The following COL5A2 variants were observed in gnomAD, a reference collection of about 807,000 sequenced individuals.
COL5A2 encodes the protein collagen type V alpha 2 chain.
A neutral mutation model predicts 208.2 loss-of-function variants in COL5A2; 23 were observed. That is an observed-to-expected ratio of 0.11 (90% CI 0.08 to 0.16). The LOEUF (loss-of-function observed/expected upper bound fraction) is 0.16. COL5A2 is among the 10% of genes least tolerant of loss of function. The pLI, the probability that COL5A2 is intolerant of heterozygous loss-of-function variation, is 1.00. For synonymous variants in COL5A2, 625 were observed against 628.5 expected, an observed-to-expected ratio of 0.99 and a Z score of 0.08; for missense variants, 1,590 against 1,956.4, an observed-to-expected ratio of 0.81 and a Z score of 3.53.
chr2:189,140,525 A>G (rs975408906), intron 1 of COL5A2, among the ~76,000 whole-genome samples: 3 of 152,218 alleles, frequency 2.0e-5, no homozygotes, highest in Non-Finnish European at 2.9e-5. Flanking sequence ...TAATAAAAAT[A>G]CAGAAAAATC....
intron 6 of COL5A2, among the ~76,000 whole-genome samples, chr2:189,096,353 T>C (rs1686909176): frequency 6.6e-6 from 1 of 152,026 alleles, no homozygotes; most frequent in Non-Finnish European, 1.5e-5. Context: ...ATTTAGTATA[T>C]GAAAGACATT....
At chr2:189,412,345 C>T in the COL5A2 span, among the ~76,000 whole-genome samples, 1 of 152,128 alleles carries the variant, frequency 6.6e-6, no homozygotes, top group Non-Finnish European at 1.5e-5. Context: ...GCAAGAAATA[C>T]TTTTGTACAT....
chr2:189,190,904 A>C (rs143525115), intron 1 of COL5A2, among the ~76,000 whole-genome samples: 16 of 152,298 alleles, frequency 1.1e-4, no homozygotes, highest in African/African-American at 3.8e-4. Flanking sequence ...TGGCCCACCA[A>C]AGGCTTACGT....
At chr2:189,325,547 C>T in the COL5A2 span, among the ~76,000 whole-genome samples, 1 of 152,002 alleles carries the variant, frequency 6.6e-6, no homozygotes, top group Admixed American at 6.6e-5. Context: ...GAGACATTCT[C>T]ATGATCTACC....
At chr2:189,339,307 C>T in the COL5A2 span, among the ~76,000 whole-genome samples, 21 of 150,244 alleles carry the variant, frequency 1.4e-4, no homozygotes, top group South Asian at 4.2e-4. Flanking sequence ...GCTGAGACTG[C>T]GCCACTGCAC....
the COL5A2 span, among the ~76,000 whole-genome samples, chr2:189,390,371 C>T: frequency 1.3e-5 from 2 of 152,102 alleles, no homozygotes; most frequent in Non-Finnish European, 2.9e-5. Flanking sequence ...ATAAATCTGT[C>T]AAGATGATTG....
intron 1 of COL5A2, among the ~76,000 whole-genome samples, chr2:189,114,425 A>G (rs1463517679): frequency 6.6e-6 from 1 of 152,224 alleles, no homozygotes; most frequent in Non-Finnish European, 1.5e-5. Flanking sequence ...AGTAAAATAG[A>G]AAGCAAAATT....
At chr2:189,331,550 G>A in the COL5A2 span, among the ~76,000 whole-genome samples, 14 of 152,042 alleles carry the variant, frequency 9.2e-5, no homozygotes, top group Non-Finnish European at 1.5e-4. Flanking sequence ...AAAAATGGGA[G>A]TTTCCCTGCA....
chr2:189,394,485 C>T, the COL5A2 span, among the ~76,000 whole-genome samples: 2 of 152,130 alleles, frequency 1.3e-5, no homozygotes, highest in African/African-American at 4.8e-5. Context: ...CACGAGTGAG[C>T]CCACTTCCTC....
the COL5A2 span, among the ~76,000 whole-genome samples, chr2:189,268,959 A>C: frequency 6.6e-6 from 1 of 152,126 alleles, no homozygotes; most frequent in African/African-American, 2.4e-5. Flanking sequence ...GTGTGTCTCT[A>C]AAACTTTGTA....
chr2:189,261,856 G>C, the COL5A2 span, among the ~76,000 whole-genome samples: 1 of 152,124 alleles, frequency 6.6e-6, no homozygotes, highest in African/African-American at 2.4e-5. Context: ...AGACTAAACA[G>C]ACCATCTAAA....
rs574249256 is a variant in COL5A2, at chr2:189,036,693, G to C, written c.4036C>G (p.Arg1346Gly). ...GATTTACTGGCCCACCAGGTTTTACGTGGTACACTGGATGGGTTTGCTGAA... is the reference window on the plus strand; with the variant it reads ...GATTTACTGGCCCACCAGGTTTTACCTGGTACACTGGATGGGTTTGCTGAA... ...CISANPSSVP[R>G]KTWWASKSPD... The change falls in exon 52 of 54, where the codon CGT becomes GGT. Residue 1346 changes from arginine (R) to glycine (G), a missense_variant. Coordinates refer to ENST00000374866, the MANE Select transcript of COL5A2 (RefSeq NM_000393.5). 1.2e-6 allele frequency: 2 copies of C among 1,613,540 alleles called. No individual in the cohort carries two copies. The highest frequency in any genetic ancestry group is 1.7e-6 in the Non-Finnish European group (2 of 1,179,546).
chr2:189,274,152 A>ATTTTTTTTT, the COL5A2 span, among the ~76,000 whole-genome samples: 1 of 152,162 alleles, frequency 6.6e-6, no homozygotes, highest in Non-Finnish European at 1.5e-5. Flanking sequence ...TTTTAAAATA[A>ATTTTTTTTT]TGATAGATAC....
At chr2:189,429,014 G>A in the COL5A2 span, among the ~76,000 whole-genome samples, 1 of 152,114 alleles carries the variant, frequency 6.6e-6, no homozygotes, top group South Asian at 2.1e-4. Context: ...AATCAGGCCG[G>A]AAGAATAAAT....
chr2:189,336,740 T>C, the COL5A2 span, among the ~76,000 whole-genome samples: 105 of 152,324 alleles, frequency 6.9e-4, no homozygotes, highest in Middle Eastern at 0.01. Context: ...GGGAGCATTC[T>C]GGGTGATGGA....
chr2:189,271,620 C>T, the COL5A2 span, among the ~76,000 whole-genome samples: 20 of 152,258 alleles, frequency 1.3e-4, no homozygotes, highest in African/African-American at 3.9e-4. Context: ...ATGACTAAAA[C>T]ACCAAAAGCA....
chr2:189,065,608 A>C (rs1686131424), intron 23 of COL5A2, among the ~76,000 whole-genome samples: 1 of 152,204 alleles, frequency 6.6e-6, no homozygotes, highest in African/African-American at 2.4e-5. Context: ...GAGAAAACTG[A>C]TATCTAGAGA....
the COL5A2 span, among the ~76,000 whole-genome samples, chr2:189,414,862 C>T: frequency 2.0e-5 from 3 of 150,092 alleles, no homozygotes; most frequent in African/African-American, 7.4e-5. Flanking sequence ...AACGTCTTTT[C>T]TTTAATTCTT....
At position 189,044,954 on chromosome 2, in the gene COL5A2, T is replaced by C. The variant is rs566065192; in HGVS notation, c.3363+225A>G. Reference sequence around the variant, plus strand: ...CCTGTGACTTTAAAAACCTCCATGATTATTGATATAATTCATGGTTAAATT... The same window carrying C: ...CCTGTGACTTTAAAAACCTCCATGACTATTGATATAATTCATGGTTAAATT... On this transcript the variant is annotated intron_variant, in intron 47 of 53. Coordinates refer to ENST00000374866, the MANE Select transcript of COL5A2 (RefSeq NM_000393.5). 2.5e-4 allele frequency among the ~76,000 whole-genome samples: 38 copies of C among 152,270 alleles called. No individual in the cohort carries two copies. The South Asian group carries it at 6.8e-3, about 27-fold the overall frequency.
Sources: gnomAD v4.1 joint callset for allele counts (sites outside exome capture counted in the v4.1 genomes callset) on GRCh38, gnomAD v4.1.1 for gene constraint, MANE v1.5 for transcripts, NCBI Gene and HGNC (gene_info 2026-07-23, HGNC 2026-07-21) for gene names.